MROH1: variants seen among roughly 807,000 people sequenced by gnomAD.
MROH1 encodes maestro heat like repeat family member 1, also known as maestro heat-like repeat-containing protein family member 1.
MROH1 carries 117 observed loss-of-function variants against 116.5 expected under a neutral mutation model. The ratio of observed to expected loss-of-function variants is 1.00; its 90% CI spans 0.86 to 1.17. The LOEUF (loss-of-function observed/expected upper bound fraction) is 1.17. Among genes scored for constraint, MROH1 ranks in the 50% most tolerant of loss-of-function variants. The pLI is 0.00. For synonymous variants in MROH1, 921 were observed against 583.9 expected, an observed-to-expected ratio of 1.58 and a Z score of -8.32; for missense variants, 1,873 against 1,338.5, an observed-to-expected ratio of 1.40 and a Z score of -6.23.
At chr8:144,209,967 A>T (rs1833734615) in intron 12 of MROH1, among the ~76,000 whole-genome samples, 1 of 151,576 alleles carries the variant, frequency 6.6e-6, no homozygotes, top group South Asian at 2.1e-4. Context: ...GTGACTTATT[A>T]CATATCATTC....
intron 12 of MROH1, chr8:144,201,139 C>T (rs1452601742): frequency 6.6e-6 from 1 of 152,080 alleles, no homozygotes; most frequent in South Asian, 2.1e-4. Flanking sequence ...TCCCTGCAAC[C>T]TCCACCTCCC....
intron 35 of MROH1, among the ~76,000 whole-genome samples, chr8:144,258,451 C>A (rs1219367061): frequency 6.6e-6 from 1 of 152,154 alleles, no homozygotes; most frequent in Non-Finnish European, 1.5e-5. Context: ...GTGTGGGTGC[C>A]CAGCAGCGTC....
chr8:144,187,642 G>A (rs989599839), intron 7 of MROH1, among the ~76,000 whole-genome samples: 27 of 152,174 alleles, frequency 1.8e-4, no homozygotes, highest in African/African-American at 6.3e-4. Flanking sequence ...TCTGTGAATC[G>A]ATCATCACAG....
Position 144,192,293 on chromosome 8 carries a change from T to C in MROH1, c.856-16T>C. 1 of 1,574,254 alleles carries C rather than the reference T, an allele frequency of 6.4e-7. No individual in the cohort carries two copies. Among genetic ancestry groups the C allele is most frequent in the Non-Finnish European group, 8.6e-7 (1 of 1,162,628 alleles). ...TGGAGGTAGGACTGACGGCCTCTTCTCCCTACCCGGAGCAGAGCCTGGGCC... is the reference window on the plus strand; with the variant it reads ...TGGAGGTAGGACTGACGGCCTCTTCCCCCTACCCGGAGCAGAGCCTGGGCC... On this transcript the variant is annotated splice_polypyrimidine_tract_variant and intron_variant, in intron 9 of 43. Coordinates refer to ENST00000326134, the MANE Select transcript of MROH1 (RefSeq NM_032450.3).
At chr8:144,241,370 C>T (rs1840952712) in intron 21 of MROH1, 25 bp from the exon 22 acceptor site, 1 of 759,296 alleles carries the variant, frequency 1.3e-6, no homozygotes, top group South Asian at 1.4e-5. Context: ...TCTTCCCTGC[C>T]CGGGGTAAGT....
chr8:144,211,042 T>G (rs1463982105), intron 12 of MROH1, among the ~76,000 whole-genome samples: 2 of 152,208 alleles, frequency 1.3e-5, no homozygotes, highest in East Asian at 3.8e-4. Flanking sequence ...CTTCTCTTTC[T>G]CTTATAATTT....
At position 144,192,304 on chromosome 8, in the gene MROH1, A is replaced by T. The variant is rs574049227; in HGVS notation, c.856-5A>T. The T allele has an allele frequency of 6.3e-7, 1 of 1,587,244 alleles. No individual in the cohort carries two copies. The highest frequency in any genetic ancestry group is 2.3e-5 in the East Asian group (1 of 43,880). ...CTGACGGCCTCTTCTCCCTACCCGG[A>T]GCAGAGCCTGGGCCAGATCCTCGAG... On this transcript the variant is annotated splice_region_variant and splice_polypyrimidine_tract_variant and intron_variant, in intron 9 of 43. Coordinates refer to ENST00000326134, the MANE Select transcript of MROH1 (RefSeq NM_032450.3).
intron 7 of MROH1, among the ~76,000 whole-genome samples, 155 bp from the exon 8 acceptor site, chr8:144,190,629 C>T (rs1828327954): frequency 6.6e-6 from 1 of 152,182 alleles, no homozygotes. Flanking sequence ...CACTTTTCAT[C>T]CTGTGTAGTC....
intron 3 of MROH1, among the ~76,000 whole-genome samples, chr8:144,166,256 T>C (rs1486663432): frequency 2.0e-5 from 3 of 152,104 alleles, no homozygotes; most frequent in South Asian, 2.1e-4. Flanking sequence ...TGCCATCACA[T>C]TGGGGGTTAA....
chr8:144,202,932 G>A lies in MROH1; in HGVS notation c.1141+2391G>A, dbSNP rs193054829. Among the ~76,000 whole-genome samples the A allele has an allele frequency of 3.8e-4, 34 of 88,720 alleles. 1 individual carries two copies. The highest frequency in any genetic ancestry group is 1.7e-3 in the African/African-American group (32 of 18,700). The allele number at this position is 88,720 out of a possible 152,430, so 58.2% of individuals were successfully genotyped here. A position where few individuals can be genotyped will look rare whatever the true frequency, so the allele number is the denominator to read the frequency against. ...TCTGTGGAGGGGCTGGGAGAGGAGC[G>A]CCCGCTCTCTGTAGAGGGGCGGGGA... On this transcript the variant is annotated intron_variant, in intron 12 of 43. Transcript: ENST00000326134.
At chr8:144,148,372 G>C (rs1173768032) in intron 1 of MROH1, among the ~76,000 whole-genome samples, 1 of 152,038 alleles carries the variant, frequency 6.6e-6, no homozygotes, top group Non-Finnish European at 1.5e-5. Context: ...CGGGGAGCTT[G>C]GTGGTCCCCG....
At chr8:144,250,519 C>T in intron 33 of MROH1, 153 bp downstream of exon 33, 1 of 693,372 alleles carries the variant, frequency 1.4e-6, no homozygotes, top group Non-Finnish European at 2.6e-6. Flanking sequence ...TGACATGGAG[C>T]CAGGCCCCAG....
chr8:144,156,599 C>T (rs1257677800), intron 1 of MROH1, among the ~76,000 whole-genome samples: 9 of 148,128 alleles, frequency 6.1e-5, no homozygotes, highest in Middle Eastern at 6.9e-3. Context: ...GTCCCATCTA[C>T]TCAGGAGGCT....
At chr8:144,184,606 G>A (rs997893752) in intron 7 of MROH1, among the ~76,000 whole-genome samples, 1 of 152,242 alleles carries the variant, frequency 6.6e-6, no homozygotes, top group African/African-American at 2.4e-5. Context: ...AAAGAGTAAG[G>A]AGGTGGGTGT....
chr8:144,205,936 T>C (rs1160829271), intron 12 of MROH1, among the ~76,000 whole-genome samples: 1 of 152,208 alleles, frequency 6.6e-6, no homozygotes, highest in Non-Finnish European at 1.5e-5. Flanking sequence ...TTTTACACAT[T>C]GTTCACCCAT....
chr8:144,261,427 T>C, intron 43 of MROH1, 78 bp downstream of exon 43: 1 of 700,174 alleles, frequency 1.4e-6, no homozygotes. Context: ...GTGATTTTCC[T>C]GGATTTCAGG....
At position 144,180,641 on chromosome 8, in the gene MROH1, TGGAG is replaced by T. The variant is rs918125637; in HGVS notation, c.562+125_562+128del. On this transcript the variant is annotated intron_variant, in intron 7 of 43. Transcript: ENST00000326134. The surrounding 1 kb of genome is among the most constrained non-coding windows in gnomAD (Gnocchi z 7.4). ...TTTAGGCTGCAGGAAGGGGGGCTGT[TGGAG>T]GGAGGGGCCCCCTGGCTGAGGCTGC... 4 of 970,766 alleles carry T rather than the reference TGGAG, an allele frequency of 4.1e-6. No individual in the cohort carries two copies. The highest frequency in any genetic ancestry group is 5.4e-5 in the East Asian group (2 of 37,062). 60.1% of individuals were successfully genotyped at this position (970,766 alleles called of 1,614,324 possible).
intron 3 of MROH1, among the ~76,000 whole-genome samples, chr8:144,166,142 G>C (rs1028846799): frequency 8.5e-5 from 13 of 152,166 alleles, no homozygotes; most frequent in African/African-American, 2.4e-4. Context: ...GTCTCCCAAA[G>C]TGCTAGGATT....
chr8:144,156,564 C>A (rs1289377681), intron 1 of MROH1, among the ~76,000 whole-genome samples: 3 of 151,222 alleles, frequency 2.0e-5, no homozygotes, highest in Admixed American at 2.0e-4. Context: ...CAAAAATTAG[C>A]CAGGCGTGAT....
Sources: gnomAD v4.1 joint callset for allele counts (sites outside exome capture counted in the v4.1 genomes callset) on GRCh38, gnomAD v4.1.1 for gene constraint, Gnocchi (gnomAD v3.1) non-coding constraint, MANE v1.5 for transcripts, NCBI Gene and HGNC (gene_info 2026-07-23, HGNC 2026-07-21) for gene names.